PREP: variants seen among roughly 807,000 people sequenced by gnomAD.
PREP encodes the protein dJ355L5.1 (prolyl endopeptidase).
A neutral mutation model predicts 87.6 loss-of-function variants in PREP; 29 were observed. The observed-to-expected ratio is 0.33, with a 90% CI of 0.25 to 0.45. PREP has a LOEUF of 0.45. Ranked by LOEUF, PREP falls within the 20% of genes least tolerant of loss-of-function variation. PREP has a pLI of 1.00. For synonymous variants in PREP, 337 were observed against 328.6 expected (o/e 1.03, Z -0.28); for missense variants, 695 against 886.5 (o/e 0.78, Z 2.74).
intron 7 of PREP, among the ~76,000 whole-genome samples, chr6:105,349,114 T>A (rs576604684): frequency 6.6e-6 from 1 of 152,194 alleles, no homozygotes; most frequent in South Asian, 2.1e-4. Flanking sequence ...ATGCATGAGG[T>A]GAGTCATGGA....
chr6:105,361,221 A>G (rs1371325192), intron 6 of PREP, among the ~76,000 whole-genome samples: 3 of 152,192 alleles, frequency 2.0e-5, no homozygotes, highest in Non-Finnish European at 4.4e-5. Flanking sequence ...TTCATGTTTT[A>G]AACTCTCAAT....
intron 4 of PREP, among the ~76,000 whole-genome samples, chr6:105,374,658 A>G (rs1246213554): frequency 1.7e-5 from 1 of 59,718 alleles, no homozygotes; most frequent in Non-Finnish European, 2.9e-5. Flanking sequence ...ATATATATAT[A>G]TATATATATA....
At chr6:105,353,704 G>A (rs1340305653) in intron 6 of PREP, among the ~76,000 whole-genome samples, 3 of 150,714 alleles carry the variant, frequency 2.0e-5, no homozygotes, top group Admixed American at 6.6e-5. Flanking sequence ...CCCAGGAGAC[G>A]GAGGTTGCAG....
intron 2 of PREP, among the ~76,000 whole-genome samples, chr6:105,389,309 G>C (rs1773080856): frequency 6.6e-6 from 1 of 152,118 alleles, no homozygotes; most frequent in South Asian, 2.1e-4. Flanking sequence ...ATGAATACTA[G>C]ATCAGGTAGC....
At chr6:105,283,184 T>G (rs1219445228) in intron 12 of PREP, among the ~76,000 whole-genome samples, 1 of 152,198 alleles carries the variant, frequency 6.6e-6, no homozygotes, top group African/African-American at 2.4e-5. Context: ...GGTGGTGAGG[T>G]AGCGTTGCGG....
chr6:105,395,717 G>A (rs556576501), intron 2 of PREP, among the ~76,000 whole-genome samples: 1 of 152,164 alleles, frequency 6.6e-6, no homozygotes, highest in Non-Finnish European at 1.5e-5. Context: ...GAACAGCAAA[G>A]TATACATTCA....
In PREP at chr6:105,315,202, C is replaced by T. The variant is rs114554119; in HGVS notation, c.1317+8463G>A. 2.1e-3 allele frequency among the ~76,000 whole-genome samples: 320 copies of T among 152,228 alleles called. 3 individuals carry two copies. Among genetic ancestry groups the T allele is most frequent in the African/African-American group, 7.5e-3 (311 of 41,536 alleles). ...TTGAAGAGACAAAGTCTTGCTCTGT[C>T]GCCCAGGCTGGAGTGCACTGGTGCA... On this transcript the variant is annotated intron_variant, in intron 10 of 14. Transcript: ENST00000652536.
At chr6:105,321,808 A>G (rs763007613) in intron 10 of PREP, among the ~76,000 whole-genome samples, 3 of 152,214 alleles carry the variant, frequency 2.0e-5, no homozygotes, top group Non-Finnish European at 4.4e-5. Context: ...AGGGGAAAAC[A>G]GTATCTTTTT....
At chr6:105,292,327 C>G (rs1014983881) in intron 10 of PREP, among the ~76,000 whole-genome samples, 10 of 152,202 alleles carry the variant, frequency 6.6e-5, no homozygotes, top group Non-Finnish European at 1.0e-4. Flanking sequence ...GATCCATGGG[C>G]TGCAGAATGG....
intron 5 of PREP, among the ~76,000 whole-genome samples, chr6:105,373,061 TAA>T (rs1277310692): frequency 6.6e-6 from 1 of 152,172 alleles, no homozygotes; most frequent in Non-Finnish European, 1.5e-5. Context: ...CCCAGAAATG[TAA>T]AAGAGCCAAG....
rs753499705 is a variant in PREP at position 105,278,270 on chromosome 6, G to A, written c.2007C>T (p.Pro669=). 1.2e-6 allele frequency: 2 copies of A among 1,614,236 alleles called. No homozygotes were observed. Among genetic ancestry groups the A allele is most frequent in the Non-Finnish European group, 1.7e-6 (2 of 1,180,048 alleles). Residue 669 remains proline (P), a synonymous_variant, in exon 15 of 15, where the codon CCC becomes CCT. Transcript: ENST00000652536. The surrounding 1 kb of genome is among the most constrained non-coding windows in gnomAD (Gnocchi z 4.2). The stretch of plus-strand genomic sequence containing the variant: ...CCTTGGTGTCCACGTGGATAAGCAG[G>A]GGGTTGCTTTGCTTCCTGCTGCGGC... ...IVGRSRKQSN[P]LLIHVDTKAG... is the part of the protein sequence containing the mutation.
chr6:105,310,093 A>C (rs530893410), intron 10 of PREP, among the ~76,000 whole-genome samples: 1 of 152,354 alleles, frequency 6.6e-6, no homozygotes, highest in Admixed American at 6.5e-5. Flanking sequence ...GTTATTCTAA[A>C]GGAAGAAAAC....
intron 4 of PREP, among the ~76,000 whole-genome samples, chr6:105,374,279 C>T (rs1355024361): frequency 6.6e-6 from 1 of 152,146 alleles, no homozygotes; most frequent in Non-Finnish European, 1.5e-5. Flanking sequence ...GGAATGTTTC[C>T]TGGCAAATAC....
intron 9 of PREP, among the ~76,000 whole-genome samples, chr6:105,326,099 A>G (rs1259925285): frequency 6.6e-6 from 1 of 152,138 alleles, no homozygotes; most frequent in Non-Finnish European, 1.5e-5. Context: ...GTTTTAACTG[A>G]TTTTAGGTTG....
chr6:105,279,773 C>CATCA (rs1770038262), intron 14 of PREP, among the ~76,000 whole-genome samples: 1 of 152,184 alleles, frequency 6.6e-6, no homozygotes, highest in African/African-American at 2.4e-5. Flanking sequence ...GAAGAAGGAA[C>CATCA]ATCATGGAGA....
Position 105,273,629 on chromosome 6 carries a change from A to G in PREP, c.*4515T>C, listed in dbSNP as rs1477529870. On this transcript the variant is annotated 3_prime_UTR_variant, in exon 15 of 15. Transcript: ENST00000652536. The stretch of plus-strand genomic sequence containing the variant: ...GCTGCCCCCACCCCCAAAATTCCTT[A>G]AAGGTGCTAAGCAACCTGCTCTTTG... The G allele has an allele frequency of 6.6e-6, 1 of 152,102 alleles. No homozygotes were observed. The highest frequency in any genetic ancestry group is 1.5e-5 in the Non-Finnish European group (1 of 68,038). The allele number at this position is 152,102 out of a possible 1,614,324, so 9.4% of individuals were successfully genotyped here.
rs1420165086 is a variant in PREP, at chr6:105,329,120, C to T, written c.1016-94G>A. The T allele has an allele frequency of 9.3e-6, 11 of 1,179,146 alleles. No individual in the cohort carries two copies. The Admixed American group carries it at 1.7e-4, about 18-fold the overall frequency. The allele number at this position is 1,179,146 out of a possible 1,614,324, so 73.0% of individuals were successfully genotyped here. A position where few individuals can be genotyped will look rare whatever the true frequency, so the allele number is the denominator to read the frequency against. Reference sequence around the variant, plus strand: ...AACAGTTCCAGAGCTACACATAGGGCTATGCAGCAATGAGACTTGCAAAGT... The same window carrying T: ...AACAGTTCCAGAGCTACACATAGGGTTATGCAGCAATGAGACTTGCAAAGT... On this transcript the variant is annotated intron_variant, in intron 8 of 14. Transcript: ENST00000652536.
At chr6:105,348,667 G>T (rs1236714337) in intron 7 of PREP, among the ~76,000 whole-genome samples, 2 of 152,174 alleles carry the variant, frequency 1.3e-5, no homozygotes, top group East Asian at 3.9e-4. Flanking sequence ...GGACCATGAG[G>T]TCAGGAGATC....
At position 105,307,971 on chromosome 6, in the gene PREP, T is replaced by G. The variant is rs550065299; in HGVS notation, c.1317+15694A>C. 7.9e-5 allele frequency among the ~76,000 whole-genome samples: 12 copies of G among 152,296 alleles called. No individual in the cohort carries two copies. The South Asian group carries it at 2.5e-3, about 32-fold the overall frequency. ...TCTCACTTGAAAATTCCTTTTTATT[T>G]AAATTAGGATTAGTCAGTACAACCA... On this transcript the variant is annotated intron_variant, in intron 10 of 14. Coordinates refer to ENST00000652536, the MANE Select transcript of PREP (RefSeq NM_002726.5).
Sources: gnomAD v4.1 joint callset for allele counts (sites outside exome capture counted in the v4.1 genomes callset) on GRCh38, gnomAD v4.1.1 for gene constraint, Gnocchi (gnomAD v3.1) non-coding constraint, MANE v1.5 for transcripts, NCBI Gene and HGNC (gene_info 2026-07-23, HGNC 2026-07-21) for gene names.